CDIN1: variants seen among roughly 807,000 people sequenced by gnomAD.
The protein encoded by CDIN1 is CDAN1 interacting nuclease 1.
In CDIN1, 33 loss-of-function variants were observed where a neutral mutation model predicts 45.3. That is an observed-to-expected ratio of 0.73 (90% confidence interval 0.55 to 0.97). The LOEUF (loss-of-function observed/expected upper bound fraction) is 0.97, where lower values mean the gene tolerates loss of function less well. Ranked by LOEUF, CDIN1 falls within the 50% of genes least tolerant of loss-of-function variation. CDIN1 has a pLI of 0.00. For synonymous variants in CDIN1, 118 were observed against 124.4 expected (o/e 0.95, Z 0.34); for missense variants, 303 against 339.4 (o/e 0.89, Z 0.84).
intron 8 of CDIN1, among the ~76,000 whole-genome samples, chr15:36,698,457 A>T (rs191136300): frequency 4.6e-5 from 7 of 152,314 alleles, no homozygotes; most frequent in Admixed American, 2.0e-4. Flanking sequence ...AAGGTTTTTC[A>T]TATGGGGACA....
chr15:36,620,510 T>C (rs1329576121), intron 1 of CDIN1, among the ~76,000 whole-genome samples: 4 of 152,226 alleles, frequency 2.6e-5, no homozygotes, highest in Non-Finnish European at 5.9e-5. Flanking sequence ...TATTCTCTGT[T>C]CTTTGACTGC....
At chr15:36,621,190 G>A (rs181859086) in intron 1 of CDIN1, among the ~76,000 whole-genome samples, 8 of 152,226 alleles carry the variant, frequency 5.3e-5, no homozygotes, top group Non-Finnish European at 7.4e-5. Context: ...GTACAATTAC[G>A]TGTAAATTGT....
Position 36,772,197 on chromosome 15 carries a change from T to C in CDIN1, c.717-36127T>C, listed in dbSNP as rs149539922. On this transcript the variant is annotated intron_variant, in intron 10 of 10. Transcript: ENST00000566621. ...AAATCCCAAAAAGCTATGAAAACTG[T>C]ATTTTTTTTTTAGTAAGGTGGTGTC... 3.3e-5 allele frequency among the ~76,000 whole-genome samples: 5 copies of C among 152,232 alleles called. No homozygotes were observed. The East Asian group carries it at 9.7e-4, about 29-fold the overall frequency.
At chr15:36,580,674 A>C (rs2037001394) in intron 1 of CDIN1, among the ~76,000 whole-genome samples, 1 of 152,234 alleles carries the variant, frequency 6.6e-6, no homozygotes, top group Non-Finnish European at 1.5e-5. Flanking sequence ...TTCTCATTTT[A>C]ATGAAGTGGA....
At chr15:36,771,612 C>T (rs1219345859) in intron 10 of CDIN1, among the ~76,000 whole-genome samples, 1 of 152,120 alleles carries the variant, frequency 6.6e-6, no homozygotes, top group Admixed American at 6.5e-5. Context: ...CTGGCTTCAG[C>T]CTTCTATTTT....
chr15:36,599,602 G>C (rs890573672), intron 1 of CDIN1, among the ~76,000 whole-genome samples: 1 of 152,176 alleles, frequency 6.6e-6, no homozygotes, highest in Non-Finnish European at 1.5e-5. Context: ...GAGCTGCTAC[G>C]TGAACAGCTT....
chr15:36,709,767 A>C lies in CDIN1; in HGVS notation c.611-89A>C, dbSNP rs1185184820. 1.6e-5 allele frequency: 15 copies of C among 930,128 alleles called. No individual in the cohort carries two copies. In the South Asian group the frequency reaches 1.9e-4, roughly 12 times the overall value. The allele number at this position is 930,128 out of a possible 1,614,324, so 57.6% of individuals were successfully genotyped here. On this transcript the variant is annotated intron_variant, in intron 9 of 10. Transcript: ENST00000566621. ...GGTAAGGGCTAAGCCTGTGCTCATT[A>C]ATGTGAAGCATAGAGAGGCCTGTAC... is the stretch of plus-strand genomic sequence containing the variant.
At chr15:36,605,883 G>T (rs538796905) in intron 1 of CDIN1, among the ~76,000 whole-genome samples, 1 of 152,286 alleles carries the variant, frequency 6.6e-6, no homozygotes, top group South Asian at 2.1e-4. Flanking sequence ...ACACCTAAAA[G>T]TTCAGTGAAC....
chr15:36,726,897 C>T (rs940344945), intron 10 of CDIN1, among the ~76,000 whole-genome samples: 3 of 151,988 alleles, frequency 2.0e-5, no homozygotes, highest in Admixed American at 6.6e-5. Context: ...CATATCTTTC[C>T]TCTAAATTCA....
At chr15:36,616,221 C>T (rs1169220411) in intron 1 of CDIN1, among the ~76,000 whole-genome samples, 1 of 152,016 alleles carries the variant, frequency 6.6e-6, no homozygotes, top group Non-Finnish European at 1.5e-5. Flanking sequence ...GAGGCTCTAT[C>T]CTTTAAGAAC....
At chr15:36,715,413 A>G (rs1595509834) in intron 10 of CDIN1, among the ~76,000 whole-genome samples, 1 of 152,156 alleles carries the variant, frequency 6.6e-6, no homozygotes, top group East Asian at 1.9e-4. Flanking sequence ...AACCAGTTAG[A>G]GTTAAGGAAG....
At chr15:36,702,029 C>T in intron 8 of CDIN1, 1 of 701,900 alleles carries the variant, frequency 1.4e-6, no homozygotes, top group South Asian at 1.5e-5. Flanking sequence ...GAAGGACAGG[C>T]AGCAGGAGCA....
At chr15:36,581,693 C>T (rs577588278) in intron 1 of CDIN1, among the ~76,000 whole-genome samples, 21 of 152,276 alleles carry the variant, frequency 1.4e-4, no homozygotes, top group Non-Finnish European at 1.3e-4. Context: ...GACTGGGCAA[C>T]GTAGCAAAAC....
chr15:36,614,112 CT>C (rs2038777113), intron 1 of CDIN1: 4 of 782,672 alleles, frequency 5.1e-6, no homozygotes, highest in Non-Finnish European at 9.1e-6. Context: ...CTGGAAATGA[CT>C]TGGAAGATAA....
chr15:36,743,978 C>CTTT (rs34573450), intron 10 of CDIN1, among the ~76,000 whole-genome samples: 1 of 139,726 alleles, frequency 7.2e-6, no homozygotes, highest in Non-Finnish European at 1.6e-5. Context: ...CATTTTTTGT[C>CTTT]TTTTTTTTTT....
At chr15:36,619,049 AAGAC>A in intron 1 of CDIN1, 2 of 1,294,740 alleles carry the variant, frequency 1.5e-6, no homozygotes, top group Non-Finnish European at 2.2e-6. Flanking sequence ...ACGACAAACA[AAGAC>A]AATGAAGCTC....
At chr15:36,665,065 A>G (rs1278657253) in intron 5 of CDIN1, among the ~76,000 whole-genome samples, 1 of 152,206 alleles carries the variant, frequency 6.6e-6, no homozygotes, top group African/African-American at 2.4e-5. Context: ...AAATTCTAGG[A>G]GTAGGAATGA....
At chr15:36,803,782 ATCAGACATAC>A (rs752095356) in intron 10 of CDIN1, among the ~76,000 whole-genome samples, 52 of 152,322 alleles carry the variant, frequency 3.4e-4, no homozygotes, top group Non-Finnish European at 6.3e-4. Flanking sequence ...TCATTTCTAA[ATCAGACATAC>A]TCTTATTCTA....
intron 1 of CDIN1, among the ~76,000 whole-genome samples, chr15:36,596,144 T>C (rs1301623970): frequency 6.6e-6 from 1 of 151,468 alleles, no homozygotes; most frequent in Admixed American, 6.6e-5. Context: ...ACAAAAAATA[T>C]ATTTAGTAGA....
Sources: allele counts gnomAD v4.1 joint callset (sites outside exome capture counted in the v4.1 genomes callset), GRCh38; gene constraint gnomAD v4.1.1; transcripts MANE v1.5; gene names NCBI Gene and HGNC (gene_info 2026-07-23, HGNC 2026-07-21).